Variants in PDE1A observed in about 807,000 individuals in gnomAD.
The protein encoded by PDE1A is dual specificity calcium/calmodulin-dependent 3',5'-cyclic nucleotide phosphodiesterase 1A.
A neutral mutation model predicts 61.7 loss-of-function variants in PDE1A; 35 were observed. The observed-to-expected ratio is 0.57, with a 90% CI of 0.43 to 0.75. PDE1A has a LOEUF of 0.75. PDE1A is among the 30% of genes least tolerant of loss of function. PDE1A has a pLI of 0.00. For missense variants in PDE1A, 597 were observed against 630.6 expected (o/e 0.95, Z 0.57); for synonymous variants, 232 against 213.2 (o/e 1.09, Z -0.77).
At chr2:182,585,541 A>G in the PDE1A span, among the ~76,000 whole-genome samples, 2 of 152,192 alleles carry the variant, frequency 1.3e-5, no homozygotes, top group Non-Finnish European at 2.9e-5. Flanking sequence ...TTGATAGTCT[A>G]TAACCACCTT....
At chr2:182,464,395 G>A (rs1686517570) in intron 2 of PDE1A, among the ~76,000 whole-genome samples, 1 of 152,004 alleles carries the variant, frequency 6.6e-6, no homozygotes, top group South Asian at 2.1e-4. Context: ...GCAGAGTGCA[G>A]GTCAATACAT....
At chr2:182,233,760 C>A (rs946766863) in intron 4 of PDE1A, among the ~76,000 whole-genome samples, 1 of 137,370 alleles carries the variant, frequency 7.3e-6, no homozygotes, top group Non-Finnish European at 1.5e-5. Flanking sequence ...CATTTAGAAA[C>A]AAGGCACATG....
intron 1 of PDE1A, among the ~76,000 whole-genome samples, chr2:182,356,256 T>C (rs1429440304): frequency 6.6e-6 from 1 of 151,862 alleles, no homozygotes; most frequent in Non-Finnish European, 1.5e-5. Flanking sequence ...AAAGAAGACA[T>C]TAGTAGTGAC....
chr2:182,218,325 C>G (rs1416821004), intron 7 of PDE1A, among the ~76,000 whole-genome samples: 1 of 148,902 alleles, frequency 6.7e-6, no homozygotes, highest in Non-Finnish European at 1.5e-5. Flanking sequence ...TGCTAGATGA[C>G]GAGTTAGTGG....
chr2:182,169,323 A>C (rs1277859126), intron 13 of PDE1A, among the ~76,000 whole-genome samples: 1 of 152,112 alleles, frequency 6.6e-6, no homozygotes, highest in African/African-American at 2.4e-5. Flanking sequence ...AAATGCTGAA[A>C]GTTATACCAT....
At chr2:182,583,897 T>C in the PDE1A span, among the ~76,000 whole-genome samples, 2 of 152,192 alleles carry the variant, frequency 1.3e-5, no homozygotes, top group Non-Finnish European at 2.9e-5. Context: ...GAAGTTGAAA[T>C]TGGGATGATT....
intron 2 of PDE1A, among the ~76,000 whole-genome samples, chr2:182,457,218 A>T (rs1685984499): frequency 6.6e-6 from 1 of 152,020 alleles, no homozygotes; most frequent in Non-Finnish European, 1.5e-5. Context: ...GCCCTGCTGG[A>T]TTCTTTTTGC....
intron 10 of PDE1A, among the ~76,000 whole-genome samples, chr2:182,193,194 G>C (rs1685858827): frequency 6.6e-6 from 1 of 151,902 alleles, no homozygotes; most frequent in Non-Finnish European, 1.5e-5. Context: ...CACCATATTG[G>C]CCAGGTTGGT....
intron 2 of PDE1A, among the ~76,000 whole-genome samples, chr2:182,476,048 C>T (rs1203501173): frequency 3.3e-5 from 5 of 151,904 alleles, no homozygotes; most frequent in Admixed American, 1.3e-4. Context: ...AAATTTTATA[C>T]ATGAGCACAA....
the PDE1A span, among the ~76,000 whole-genome samples, chr2:182,691,687 A>G: frequency 1.8e-4 from 28 of 152,292 alleles, no homozygotes; most frequent in East Asian, 5.2e-3. Context: ...AATGGGATCT[A>G]ATTAAACTAA....
chr2:182,514,439 G>A (rs892941378), intron 2 of PDE1A, among the ~76,000 whole-genome samples: 2 of 152,102 alleles, frequency 1.3e-5, no homozygotes, highest in African/African-American at 2.4e-5. Flanking sequence ...ATAGTACAAA[G>A]CTATAACCAA....
chr2:182,508,055 AAT>A (rs1559525505), intron 2 of PDE1A, among the ~76,000 whole-genome samples: 2 of 152,300 alleles, frequency 1.3e-5, no homozygotes, highest in South Asian at 4.1e-4. Flanking sequence ...TTATAACAAG[AAT>A]AGAGTAGTAG....
At chr2:182,401,330 A>G (rs976193985) in intron 1 of PDE1A, among the ~76,000 whole-genome samples, 3 of 152,218 alleles carry the variant, frequency 2.0e-5, no homozygotes, top group Non-Finnish European at 4.4e-5. Context: ...AACACGATCA[A>G]GTTGGCTTCA....
chr2:182,290,192 C>CT (rs1694435277), intron 1 of PDE1A, among the ~76,000 whole-genome samples: 1 of 152,006 alleles, frequency 6.6e-6, no homozygotes, highest in African/African-American at 2.4e-5. Flanking sequence ...ATTCTATAGC[C>CT]TTTTTTGTCC....
At chr2:182,658,063 AAAAAAAAAAC>A in the PDE1A span, among the ~76,000 whole-genome samples, 46 of 115,874 alleles carry the variant, frequency 4.0e-4, no homozygotes, top group African/African-American at 1.2e-3. Context: ...AAAAAAAAAA[AAAAAAAAAAC>A]AAAAAAACTT....
the PDE1A span, among the ~76,000 whole-genome samples, chr2:182,687,934 G>A: frequency 6.6e-6 from 1 of 152,164 alleles, no homozygotes; most frequent in East Asian, 1.9e-4. Flanking sequence ...ATCACTGATT[G>A]AAGATCAAAT....
At chr2:182,306,841 G>A (rs1695620447) in intron 1 of PDE1A, among the ~76,000 whole-genome samples, 1 of 152,130 alleles carries the variant, frequency 6.6e-6, no homozygotes, top group Admixed American at 6.5e-5. Flanking sequence ...CCGAAACTGT[G>A]AAACTACACT....
the PDE1A span, among the ~76,000 whole-genome samples, chr2:182,641,737 TTTA>T: frequency 5.1e-5 from 1 of 19,604 alleles, no homozygotes; most frequent in Non-Finnish European, 1.2e-4. Context: ...TTACAAGCAA[TTTA>T]TTTATTGTTT....
intron 1 of PDE1A, among the ~76,000 whole-genome samples, chr2:182,342,076 T>A (rs1698222041): frequency 6.6e-6 from 1 of 152,182 alleles, no homozygotes; most frequent in African/African-American, 2.4e-5. Flanking sequence ...GGCCCTTTTC[T>A]ATAGTTATCT....
Sources: gnomAD v4.1 joint callset for allele counts (sites outside exome capture counted in the v4.1 genomes callset) on GRCh38, gnomAD v4.1.1 for gene constraint, MANE v1.5 for transcripts, NCBI Gene and HGNC (gene_info 2026-07-23, HGNC 2026-07-21) for gene names.